The following RYR2 variants were observed in gnomAD, a reference collection of about 807,000 sequenced individuals.
The protein encoded by RYR2 is cardiac muscle ryanodine receptor-calcium release channel.
In RYR2, 227 loss-of-function variants were observed where a neutral mutation model predicts 601.1. That is an observed-to-expected ratio of 0.38 (90% CI 0.34 to 0.42). RYR2 has a LOEUF of 0.42. RYR2 is among the 10% of genes least tolerant of loss of function. The pLI, the probability that RYR2 is intolerant of heterozygous loss-of-function variation, is 1.00. For synonymous variants in RYR2, 2,223 were observed against 2,175.1 expected (o/e 1.02, Z -0.61); for missense variants, 4,646 against 6,156.5 (o/e 0.75, Z 8.21).
chr1:237,492,027 T>G (rs1558910751), intron 18 of RYR2, 103 bp downstream of exon 18: 3 of 645,864 alleles, frequency 4.6e-6, no homozygotes, highest in Admixed American at 3.0e-5. Context: ...TTCATGAGTG[T>G]TTTTAATCTC....
rs1689893214 is a variant in RYR2 at position 237,723,160 on chromosome 1, T to C, written c.10587T>C (p.Ala3529=). 1 of 1,612,090 alleles carries C rather than the reference T, an allele frequency of 6.2e-7. No individual in the cohort carries two copies. Among genetic ancestry groups the C allele is most frequent in the Non-Finnish European group, 8.5e-7 (1 of 1,179,038 alleles). The stretch of plus-strand genomic sequence containing the variant: ...ATCCTGCTATTAGATGGCAAATGGC[T>C]CTTTACAAAGACTTACCAAACAGGA... ...LEDPAIRWQM[A]LYKDLPNRTD... Residue 3529 remains alanine (A), a synonymous_variant, in exon 74 of 105, where the codon GCT becomes GCC. Coordinates refer to ENST00000366574, the MANE Select transcript of RYR2 (RefSeq NM_001035.3).
intron 2 of RYR2, among the ~76,000 whole-genome samples, chr1:237,283,114 A>C (rs1459704915): frequency 2.0e-5 from 3 of 152,082 alleles, no homozygotes; most frequent in African/African-American, 7.2e-5. Flanking sequence ...TTCCTGGAAG[A>C]CCCTTGCGCG....
intron 10 of RYR2, among the ~76,000 whole-genome samples, chr1:237,397,472 G>A (rs1225074265): frequency 6.6e-6 from 1 of 152,074 alleles, no homozygotes; most frequent in Non-Finnish European, 1.5e-5. Context: ...AATACATGGA[G>A]GTGATATACA....
chr1:237,042,682 G>A, intron 1 of RYR2, 113 bp downstream of exon 1: 1 of 1,071,844 alleles, frequency 9.3e-7, no homozygotes, highest in Admixed American at 4.3e-5. Context: ...GGGGCGAGGG[G>A]GTGCCCCCTG....
At chr1:237,087,136 C>A (rs552347122) in intron 1 of RYR2, among the ~76,000 whole-genome samples, 3 of 152,122 alleles carry the variant, frequency 2.0e-5, no homozygotes, top group Admixed American at 2.0e-4. Flanking sequence ...GGACTGCATT[C>A]GGGAAAACTT....
rs1659469270 is a variant in RYR2, at chr1:237,798,024, C to G, written c.13957-13C>G. ...GGTTGAAGCCAACAAAATGCTTTTT[C>G]TCATACCCCAAGGTTATGGATAAAT... On this transcript the variant is annotated splice_polypyrimidine_tract_variant and intron_variant, in intron 96 of 104. Transcript: ENST00000366574. 11 of 1,601,520 alleles carry G rather than the reference C, an allele frequency of 6.9e-6. No homozygotes were observed. The highest frequency in any genetic ancestry group is 8.5e-6 in the Non-Finnish European group (10 of 1,174,934).
intron 71 of RYR2, among the ~76,000 whole-genome samples, chr1:237,713,108 C>T (rs1451730889): frequency 6.6e-6 from 1 of 152,148 alleles, no homozygotes; most frequent in Admixed American, 6.5e-5. Context: ...TGTGTTTGAC[C>T]CGACAGCACA....
intron 3 of RYR2, among the ~76,000 whole-genome samples, chr1:237,351,149 A>T (rs1439804545): frequency 6.6e-6 from 1 of 152,170 alleles, no homozygotes; most frequent in Non-Finnish European, 1.5e-5. Flanking sequence ...AAAATGGCAA[A>T]TTATAAGATA....
At chr1:237,832,053 T>C (rs1011770822) in intron 104 of RYR2, among the ~76,000 whole-genome samples, 8 of 152,064 alleles carry the variant, frequency 5.3e-5, no homozygotes, top group Admixed American at 4.6e-4. Flanking sequence ...CACACACACA[T>C]ATATTTTTTG....
intron 3 of RYR2, among the ~76,000 whole-genome samples, chr1:237,338,393 T>G (rs1697443255): frequency 6.6e-6 from 1 of 152,192 alleles, no homozygotes; most frequent in Non-Finnish European, 1.5e-5. Flanking sequence ...AATCACATGA[T>G]TTAGAATTTA....
intron 80 of RYR2, among the ~76,000 whole-genome samples, chr1:237,750,600 A>T (rs1178235258): frequency 6.6e-6 from 1 of 151,408 alleles, no homozygotes; most frequent in Non-Finnish European, 1.5e-5. Flanking sequence ...GATATTAGGT[A>T]TATTAAATAT....
At chr1:237,628,350 C>T (rs1245062735) in intron 41 of RYR2, among the ~76,000 whole-genome samples, 1 of 150,790 alleles carries the variant, frequency 6.6e-6, no homozygotes, top group Non-Finnish European at 1.5e-5. Context: ...AGGTATATCT[C>T]CTAATGCTAT....
chr1:237,666,697 A>T, intron 57 of RYR2, 108 bp downstream of exon 57: 1 of 834,792 alleles, frequency 1.2e-6, no homozygotes, highest in East Asian at 2.8e-5. Flanking sequence ...GAATGTGGCG[A>T]TCTATAATGG....
chr1:237,819,665 A>G lies in RYR2; in HGVS notation c.14590+473A>G, dbSNP rs1662221930. Among the ~76,000 whole-genome samples the G allele has an allele frequency of 6.6e-6, 1 of 152,076 alleles. No individual in the cohort carries two copies. Among genetic ancestry groups the G allele is most frequent in the African/African-American group, 2.4e-5 (1 of 41,406 alleles). ...TAAACCCCATCTCTACTAAAAATACAAAACTAGCCAGGCGTGGTGGCACAC... is the reference window on the plus strand; with the variant it reads ...TAAACCCCATCTCTACTAAAAATACGAAACTAGCCAGGCGTGGTGGCACAC... On this transcript the variant is annotated intron_variant, in intron 101 of 104. Transcript: ENST00000366574. This position sits in a 1 kb window ranked among gnomAD's most constrained non-coding sequence, Gnocchi z 4.0.
chr1:237,784,440 C>A lies in RYR2; in HGVS notation c.12728C>A (p.Ser4243Ter), dbSNP rs760016667. The part of the protein sequence containing the change: ...MAFFSILTVR[S>*]ALFALRYNIL... Reference sequence around the variant, plus strand: ...TTCTTCTCCATTCTGACGGTCAGGTCGGCCCTGTTTGCGCTCAGGTACAAT... The same window carrying A: ...TTCTTCTCCATTCTGACGGTCAGGTAGGCCCTGTTTGCGCTCAGGTACAAT... Residue 4243 changes from serine to a stop codon, truncating the protein, a stop_gained, in exon 90 of 105, where the codon TCG (serine) becomes TAG (stop). Coordinates refer to ENST00000366574, the MANE Select transcript of RYR2 (RefSeq NM_001035.3). LOFTEE classifies it high-confidence loss of function. The surrounding 1 kb of genome is among the most constrained non-coding windows in gnomAD (Gnocchi z 7.1). The A allele has an allele frequency of 6.2e-7, 1 of 1,613,616 alleles. No homozygotes were observed. The highest frequency in any genetic ancestry group is 8.5e-7 in the Non-Finnish European group (1 of 1,179,768).
At chr1:237,403,042 G>A (rs949346251) in intron 10 of RYR2, among the ~76,000 whole-genome samples, 5 of 152,208 alleles carry the variant, frequency 3.3e-5, no homozygotes, top group Non-Finnish European at 7.3e-5. Flanking sequence ...GGGTGGGAGA[G>A]AGGAAGCAGC....
At chr1:237,292,228 C>T (rs974411992) in intron 2 of RYR2, among the ~76,000 whole-genome samples, 1 of 152,028 alleles carries the variant, frequency 6.6e-6, no homozygotes, top group African/African-American at 2.4e-5. Flanking sequence ...CACATATCAA[C>T]AAGAATCAAT....
At chr1:237,254,830 G>A (rs1687791331) in intron 1 of RYR2, among the ~76,000 whole-genome samples, 1 of 152,136 alleles carries the variant, frequency 6.6e-6, no homozygotes, top group Non-Finnish European at 1.5e-5. Context: ...TGATCCTAAG[G>A]GGCCAGCCTG....
At chr1:237,514,900 G>A (rs1666267355) in intron 24 of RYR2, among the ~76,000 whole-genome samples, 1 of 152,138 alleles carries the variant, frequency 6.6e-6, no homozygotes, top group Admixed American at 6.5e-5. Context: ...TTTTTTGTTT[G>A]TTTAATAAAT....
Sources: gnomAD v4.1 joint callset for allele counts (sites outside exome capture counted in the v4.1 genomes callset) on GRCh38, gnomAD v4.1.1 for gene constraint, Gnocchi (gnomAD v3.1) non-coding constraint, MANE v1.5 for transcripts, NCBI Gene and HGNC (gene_info 2026-07-23, HGNC 2026-07-21) for gene names.